Variants in CAMK4 observed in about 807,000 individuals in gnomAD.
The protein encoded by CAMK4 is calcium/calmodulin-dependent protein kinase type IV.
A neutral mutation model predicts 44.9 loss-of-function variants in CAMK4; 22 were observed. That is an observed-to-expected ratio of 0.49 (90% CI 0.35 to 0.70). The LOEUF (loss-of-function observed/expected upper bound fraction) is 0.70, where lower values mean the gene tolerates loss of function less well. Among genes scored for constraint, CAMK4 ranks in the 30% least tolerant of loss-of-function variants. CAMK4 has a pLI of 0.01. For synonymous variants in CAMK4, 218 were observed against 215.4 expected, an observed-to-expected ratio of 1.01 and a Z score of -0.11; for missense variants, 498 against 586.8, an observed-to-expected ratio of 0.85 and a Z score of 1.56.
chr5:111,248,682 C>A (rs748203815), intron 1 of CAMK4, among the ~76,000 whole-genome samples: 6 of 152,104 alleles, frequency 3.9e-5, no homozygotes, highest in Non-Finnish European at 7.3e-5. Flanking sequence ...CCTCTGGACA[C>A]CACTTAAATC....
chr5:111,394,806 G>A (rs748625634), intron 5 of CAMK4, 24 bp downstream of exon 5: 25 of 1,448,112 alleles, frequency 1.7e-5, no homozygotes, highest in Non-Finnish European at 3.9e-6. Context: ...AACAGCAATG[G>A]TGTAACTCTT....
intron 1 of CAMK4, among the ~76,000 whole-genome samples, chr5:111,234,281 G>A (rs1472376070): frequency 6.6e-6 from 1 of 152,186 alleles, no homozygotes; most frequent in East Asian, 1.9e-4. Context: ...GAAAGGGGAA[G>A]TGGGTACATA....
At chr5:111,428,192 T>C (rs1753301599) in intron 5 of CAMK4, among the ~76,000 whole-genome samples, 2 of 152,354 alleles carry the variant, frequency 1.3e-5, no homozygotes, top group South Asian at 4.1e-4. Context: ...GGGTGCCCCC[T>C]GAAGTAGATA....
intron 7 of CAMK4, among the ~76,000 whole-genome samples, chr5:111,453,592 G>A (rs1754308658): frequency 6.6e-6 from 1 of 152,004 alleles, no homozygotes; most frequent in Admixed American, 6.6e-5. Flanking sequence ...TTTACGCAGA[G>A]ACTGTTTTAT....
At chr5:111,309,007 A>G (rs948917013) in intron 1 of CAMK4, among the ~76,000 whole-genome samples, 1 of 152,202 alleles carries the variant, frequency 6.6e-6, no homozygotes, top group Non-Finnish European at 1.5e-5. Context: ...TCTAGTGTCC[A>G]GGAACTACAA....
At chr5:111,268,371 A>T (rs998561711) in intron 1 of CAMK4, among the ~76,000 whole-genome samples, 1 of 152,240 alleles carries the variant, frequency 6.6e-6, no homozygotes, top group Admixed American at 6.5e-5. Flanking sequence ...GGAATAGCAC[A>T]TGTAAGTGTT....
chr5:111,482,935 A>G lies in CAMK4; in HGVS notation c.979A>G (p.Lys327Glu). The change falls in exon 10 of 11, where the codon AAG becomes GAG. Residue 327 changes from lysine to glutamate, a missense_variant and splice_region_variant. Physicochemically the swap from Lys to Glu is moderately conservative, Grantham distance 56. Coordinates refer to ENST00000282356, the MANE Select transcript of CAMK4 (RefSeq NM_001744.6). The surrounding 1 kb of genome is among the most constrained non-coding windows in gnomAD (Gnocchi z 4.9). ...AGAATTCAATGCCCGGCGTAAGCTT[A>G]AGGTAAGATAGCATATATTTTGTTT... ...LQEFNARRKL[K>E]AAVKAVVASS... is the part of the protein sequence containing the mutation. The G allele has an allele frequency of 6.3e-7, 1 of 1,596,744 alleles. No individual in the cohort carries two copies. Among genetic ancestry groups the G allele is most frequent in the Non-Finnish European group, 8.5e-7 (1 of 1,175,112 alleles).
intron 1 of CAMK4, among the ~76,000 whole-genome samples, chr5:111,320,694 C>T (rs1025219261): frequency 1.1e-4 from 17 of 152,050 alleles, no homozygotes; most frequent in South Asian, 2.1e-4. Context: ...TTAGTAGAGG[C>T]GGGGTTTCAC....
rs552603495 is a variant in CAMK4, at chr5:111,469,284, A to C, written c.626-4027A>C. 1.4e-3 allele frequency among the ~76,000 whole-genome samples: 209 copies of C among 148,766 alleles called. 1 individual carries two copies. Among genetic ancestry groups the C allele is most frequent in the African/African-American group, 4.9e-3 (198 of 40,332 alleles). ...TTCACCCCATTTTTTTATGATTTTC[A>C]AAATAAGTTATTTTAAAAACAATTA... On this transcript the variant is annotated intron_variant, in intron 7 of 10. Coordinates refer to ENST00000282356, the MANE Select transcript of CAMK4 (RefSeq NM_001744.6).
chr5:111,254,409 C>A (rs974114466), intron 1 of CAMK4, among the ~76,000 whole-genome samples: 1 of 152,118 alleles, frequency 6.6e-6, no homozygotes, highest in Non-Finnish European at 1.5e-5. Flanking sequence ...GCACAGAATC[C>A]CTTCCTGGAG....
intron 1 of CAMK4, among the ~76,000 whole-genome samples, chr5:111,267,858 C>T (rs1252674184): frequency 6.6e-6 from 1 of 151,338 alleles, no homozygotes; most frequent in African/African-American, 2.4e-5. Flanking sequence ...AGTGAGAATG[C>T]TGATGAACAT....
chr5:111,369,769 GA>G (rs1159970888), intron 2 of CAMK4, among the ~76,000 whole-genome samples: 1 of 152,124 alleles, frequency 6.6e-6, no homozygotes, highest in Non-Finnish European at 1.5e-5. Flanking sequence ...CATCATTTAT[GA>G]ACGTGCTCTA....
At chr5:111,313,249 A>T (rs1197561160) in intron 1 of CAMK4, among the ~76,000 whole-genome samples, 1 of 152,056 alleles carries the variant, frequency 6.6e-6, no homozygotes, top group Non-Finnish European at 1.5e-5. Context: ...ACCCCCAGTT[A>T]TGATAACAGA....
chr5:111,426,370 C>T (rs1490778515), intron 5 of CAMK4, among the ~76,000 whole-genome samples: 3 of 152,154 alleles, frequency 2.0e-5, no homozygotes, highest in Admixed American at 1.3e-4. Flanking sequence ...AGTTATTCTT[C>T]ATATATGCAT....
chr5:111,332,229 C>T (rs557057522), intron 1 of CAMK4, among the ~76,000 whole-genome samples: 3 of 72,926 alleles, frequency 4.1e-5, no homozygotes, highest in Non-Finnish European at 8.3e-5. Flanking sequence ...ATCCCTCCCC[C>T]CTCCCCCCAC....
intron 4 of CAMK4, among the ~76,000 whole-genome samples, chr5:111,378,337 A>G (rs527612819): frequency 6.6e-6 from 1 of 152,264 alleles, no homozygotes; most frequent in Non-Finnish European, 1.5e-5. Context: ...AGGTTATGCT[A>G]TTTTTAAATA....
In CAMK4 at chr5:111,490,604, A is replaced by T. The variant is rs80242825; in HGVS notation, c.*6138A>T. On this transcript the variant is annotated 3_prime_UTR_variant, in exon 11 of 11. Coordinates refer to ENST00000282356, the MANE Select transcript of CAMK4 (RefSeq NM_001744.6). ...CAAGAGCGAAACTCCGTCAAAAAAA[A>T]ATATATATATATGACCATAAATTGA... 0.028 allele frequency: 4,216 copies of T among 152,110 alleles called. 71 individuals carry two copies. The highest frequency in any genetic ancestry group is 0.036 in the African/African-American group (1,497 of 41,466). 9.4% of individuals were successfully genotyped at this position (152,110 alleles called of 1,614,324 possible). A position where few individuals can be genotyped will look rare whatever the true frequency, so the allele number is the denominator to read the frequency against.
At chr5:111,448,281 A>C (rs1430777979) in intron 6 of CAMK4, among the ~76,000 whole-genome samples, 1 of 152,250 alleles carries the variant, frequency 6.6e-6, no homozygotes, top group Non-Finnish European at 1.5e-5. Context: ...GTAAATTCTT[A>C]TAAGTGAAAT....
chr5:111,439,402 T>A (rs115776060), intron 5 of CAMK4, among the ~76,000 whole-genome samples: 1,597 of 152,138 alleles, frequency 0.01, 28 homozygotes, highest in African/African-American at 0.033. Context: ...GAGGTGGGGA[T>A]ACACAAGCCA....
Sources: gnomAD v4.1 joint callset for allele counts (sites outside exome capture counted in the v4.1 genomes callset) on GRCh38, gnomAD v4.1.1 for gene constraint, Gnocchi (gnomAD v3.1) non-coding constraint, MANE v1.5 for transcripts, NCBI Gene and HGNC (gene_info 2026-07-23, HGNC 2026-07-21) for gene names.